The following GFPT2 variants were observed in gnomAD, a reference collection of about 807,000 sequenced individuals.
GFPT2 encodes glutamine--fructose-6-phosphate aminotransferase [isomerizing] 2.
Under a neutral mutation model 85.6 loss-of-function variants are expected in GFPT2, and 62 were observed. The ratio of observed to expected loss-of-function variants is 0.72; its 90% CI spans 0.59 to 0.90. GFPT2 has a LOEUF of 0.90. Among genes scored for constraint, GFPT2 ranks in the 40% least tolerant of loss-of-function variants. The pLI, the probability that GFPT2 is intolerant of heterozygous loss-of-function variation, is 0.00. For synonymous variants in GFPT2, 368 were observed against 344.5 expected, an observed-to-expected ratio of 1.07 and a Z score of -0.75; for missense variants, 788 against 893.4, an observed-to-expected ratio of 0.88 and a Z score of 1.50.
intron 2 of GFPT2, 149 bp downstream of exon 2, chr5:180,338,344 A>G (rs571615120): frequency 2.1e-6 from 1 of 477,830 alleles, no homozygotes; most frequent in African/African-American, 2.0e-5. Flanking sequence ...AATTTCTTTA[A>G]CGGACAAGTG....
rs564645967 is a variant in GFPT2 at position 180,340,426 on chromosome 5, G to A, written c.8-1826C>T. Among the ~76,000 whole-genome samples, 729 of 151,210 alleles carry A rather than the reference G, an allele frequency of 4.8e-3. 7 individuals carry two copies. The highest frequency in any genetic ancestry group is 0.017 in the African/African-American group (679 of 41,146). On this transcript the variant is annotated intron_variant, in intron 1 of 18. Transcript: ENST00000253778. ...TCTCCATGTTGGCCAGGCTGGTCTC[G>A]AACTCCCGACCTCAGGTCATCCGCC... is the stretch of plus-strand genomic sequence containing the variant.
chr5:180,351,505 C>G (rs773140268), intron 1 of GFPT2, among the ~76,000 whole-genome samples: 1 of 152,072 alleles, frequency 6.6e-6, no homozygotes, highest in Non-Finnish European at 1.5e-5. Flanking sequence ...GATTCTGGCT[C>G]CGAGTGGGCA....
chr5:180,331,356 T>C, intron 5 of GFPT2, 139 bp downstream of exon 5: 2 of 636,766 alleles, frequency 3.1e-6, no homozygotes, highest in South Asian at 1.9e-5. Context: ...CAGAGGTTTC[T>C]TCTCAACACG....
intron 14 of GFPT2, among the ~76,000 whole-genome samples, chr5:180,313,137 G>A (rs999973790): frequency 2.0e-5 from 3 of 150,878 alleles, no homozygotes; most frequent in African/African-American, 7.3e-5. Flanking sequence ...TGGGTTCAAG[G>A]GATGCTCCCG....
chr5:180,304,843 T>C lies in GFPT2; in HGVS notation c.1771A>G (p.Ile591Val), dbSNP rs765173820. Residue 591 changes from isoleucine (I) to valine (V), a missense_variant, in exon 17 of 19, where the codon ATC becomes GTC. Transcript: ENST00000253778. ...CAAGGATCCTTCATAATGACCATGA[T>C]GACGGGCATCTGCTTGTCAATCAGT... is the stretch of plus-strand genomic sequence containing the variant. ...LALIDKQMPV[I>V]MVIMKDPCFA... 5 of 1,614,030 alleles carry C rather than the reference T, an allele frequency of 3.1e-6. No individual in the cohort carries two copies. Among genetic ancestry groups the C allele is most frequent in the South Asian group, 1.1e-5 (1 of 91,094 alleles).
intron 1 of GFPT2, among the ~76,000 whole-genome samples, chr5:180,341,189 G>A (rs902628962): frequency 1.3e-5 from 2 of 152,156 alleles, no homozygotes; most frequent in Admixed American, 6.5e-5. Context: ...CCAGTACCCC[G>A]GGATGGATGC....
At chr5:180,319,632 A>G (rs765075872) in intron 9 of GFPT2, among the ~76,000 whole-genome samples, 50 of 152,242 alleles carry the variant, frequency 3.3e-4, no homozygotes, top group Non-Finnish European at 6.3e-4. Context: ...AAGCTTTATC[A>G]TGGATGGATA....
At chr5:180,336,419 C>G in intron 3 of GFPT2, 60 bp downstream of exon 3, 2 of 893,772 alleles carry the variant, frequency 2.2e-6, no homozygotes, top group Non-Finnish European at 3.8e-6. Flanking sequence ...TGTTGGAATA[C>G]GGTCCTAGAA....
At chr5:180,316,298 G>C (rs1462932675) in intron 13 of GFPT2, 43 bp downstream of exon 13, 1 of 1,609,124 alleles carries the variant, frequency 6.2e-7, no homozygotes, top group Admixed American at 1.7e-5. Flanking sequence ...AGAGCCCAGA[G>C]CTGACCTGAT....
Position 180,328,238 on chromosome 5 carries a change from G to A in GFPT2, c.596+39C>T, listed in dbSNP as rs367963146. 3.3e-5 allele frequency: 50 copies of A among 1,493,680 alleles called. No homozygotes were observed. The highest frequency in any genetic ancestry group is 1.7e-4 in the Middle Eastern group (1 of 5,854). 92.5% of individuals were successfully genotyped at this position (1,493,680 alleles called of 1,614,324 possible). A position where few individuals can be genotyped will look rare whatever the true frequency, so the allele number is the denominator to read the frequency against. On this transcript the variant is annotated intron_variant, in intron 7 of 18. Transcript: ENST00000253778. This position sits in a 1 kb window ranked among gnomAD's most constrained non-coding sequence, Gnocchi z 5.4. ...CCTCCAGCTAAGTGATTTTATTTTC[G>A]TTCTTTCTTATGGGAAATGCCAGTG...
intron 2 of GFPT2, 130 bp downstream of exon 2, chr5:180,338,363 A>G: frequency 2.1e-6 from 1 of 478,778 alleles, no homozygotes; most frequent in Non-Finnish European, 3.7e-6. Context: ...TGTTATTTTT[A>G]TATTGAAAAG....
intron 4 of GFPT2, among the ~76,000 whole-genome samples, chr5:180,334,652 T>C (rs1332930940): frequency 6.6e-6 from 1 of 152,230 alleles, no homozygotes; most frequent in African/African-American, 2.4e-5. Flanking sequence ...GGGGGTCCAG[T>C]TGACTTCAGA....
At chr5:180,313,368 G>A (rs1763932624) in intron 14 of GFPT2, among the ~76,000 whole-genome samples, 1 of 151,008 alleles carries the variant, frequency 6.6e-6, no homozygotes, top group Non-Finnish European at 1.5e-5. Flanking sequence ...GAGGCGGGCG[G>A]ATCACGAGGT....
intron 6 of GFPT2, among the ~76,000 whole-genome samples, chr5:180,329,704 G>A (rs892454991): frequency 1.3e-5 from 2 of 152,212 alleles, no homozygotes; most frequent in Admixed American, 6.5e-5. Context: ...ACAGGATGGT[G>A]CCTGCCAGAT....
At chr5:180,302,936 A>C (rs750812049) in intron 17 of GFPT2, among the ~76,000 whole-genome samples, 6 of 152,222 alleles carry the variant, frequency 3.9e-5, no homozygotes, top group Non-Finnish European at 8.8e-5. Flanking sequence ...CAAGAAATAA[A>C]GATGAATTCC....
chr5:180,307,143 CCG>C lies in GFPT2; in HGVS notation c.1674+31_1674+32del, dbSNP rs773282353. 13 of 1,452,210 alleles carry C rather than the reference CCG, an allele frequency of 9.0e-6. No individual in the cohort carries two copies. The East Asian group carries it at 3.1e-4, about 34-fold the overall frequency. 90.0% of individuals were successfully genotyped at this position (1,452,210 alleles called of 1,614,324 possible). On this transcript the variant is annotated intron_variant, in intron 16 of 18. Transcript: ENST00000253778. ...CCTCAGGGTCTCCTGTGCCTGTCCT[CCG>C]TGGGGGTGGGGGCTGGGGGTGGGGG...
chr5:180,318,000 A>G (rs1022697750), intron 10 of GFPT2, among the ~76,000 whole-genome samples: 10 of 152,052 alleles, frequency 6.6e-5, no homozygotes, highest in African/African-American at 2.2e-4. Context: ...GCGACGAGCA[A>G]ATGAAGCAAG....
At chr5:180,302,330 C>A in intron 18 of GFPT2, 93 bp downstream of exon 18, 1 of 861,808 alleles carries the variant, frequency 1.2e-6, no homozygotes, top group Non-Finnish European at 1.8e-6. Flanking sequence ...ATTATTTACT[C>A]TATGACTATT....
rs1228307054 is a variant in GFPT2, at chr5:180,301,401, T to G, written c.*163A>C. The G allele has an allele frequency of 4.5e-6, 3 of 673,238 alleles. No homozygotes were observed. The highest frequency in any genetic ancestry group is 1.8e-5 in the African/African-American group (1 of 56,036). The allele number at this position is 673,238 out of a possible 1,614,324, so 41.7% of individuals were successfully genotyped here. ...GGACACAGAGAAACAGTATCTGCTGTAAGCAAAAGCACTTGGGTAGAAGGC... is the reference window on the plus strand; with the variant it reads ...GGACACAGAGAAACAGTATCTGCTGGAAGCAAAAGCACTTGGGTAGAAGGC... On this transcript the variant is annotated 3_prime_UTR_variant, in exon 19 of 19. Coordinates refer to ENST00000253778, the MANE Select transcript of GFPT2 (RefSeq NM_005110.4).
Sources: allele counts gnomAD v4.1 joint callset (sites outside exome capture counted in the v4.1 genomes callset), GRCh38; gene constraint gnomAD v4.1.1; non-coding constraint Gnocchi (gnomAD v3.1); transcripts MANE v1.5; gene names NCBI Gene and HGNC (gene_info 2026-07-23, HGNC 2026-07-21).